DAB1: variants seen among roughly 807,000 people sequenced by gnomAD.
DAB1 encodes DAB adaptor protein 1, also known as disabled homolog 1.
A neutral mutation model predicts 64.6 loss-of-function variants in DAB1; 15 were observed. The observed-to-expected ratio is 0.23, with a 90% CI of 0.16 to 0.36. The LOEUF is 0.36. Ranked by LOEUF, DAB1 falls within the 10% of genes least tolerant of loss-of-function variation. The probability of loss-of-function intolerance (pLI) is 1.00; values close to 1 mark genes in which losing one functional copy is unlikely to be tolerated. For synonymous variants in DAB1, 235 were observed against 251.9 expected, an observed-to-expected ratio of 0.93 and a Z score of 0.64; for missense variants, 596 against 706.7, an observed-to-expected ratio of 0.84 and a Z score of 1.78.
intron 5 of DAB1, among the ~76,000 whole-genome samples, chr1:57,979,793 G>C (rs556632163): frequency 1.3e-5 from 2 of 152,176 alleles, no homozygotes; most frequent in East Asian, 3.9e-4. Flanking sequence ...CCTGCAGGTT[G>C]GTTATGTGTC....
intron 7 of DAB1, among the ~76,000 whole-genome samples, chr1:57,568,733 A>G (rs1402209689): frequency 6.6e-6 from 1 of 152,184 alleles, no homozygotes; most frequent in Non-Finnish European, 1.5e-5. Flanking sequence ...ATGAGATACC[A>G]TCTCACACCA....
intron 5 of DAB1, among the ~76,000 whole-genome samples, chr1:58,054,465 G>A (rs1245243396): frequency 2.0e-5 from 3 of 152,142 alleles, no homozygotes; most frequent in Non-Finnish European, 4.4e-5. Context: ...TTAAAAGCAT[G>A]GACCACTAAA....
intron 5 of DAB1, among the ~76,000 whole-genome samples, chr1:57,898,707 C>A (rs768120814): frequency 6.6e-6 from 1 of 152,102 alleles, no homozygotes; most frequent in South Asian, 2.1e-4. Context: ...TGTCTCTGCC[C>A]CCACTTGGTT....
intron 3 of DAB1, among the ~76,000 whole-genome samples, chr1:58,496,936 A>G (rs551746954): frequency 6.6e-6 from 1 of 152,294 alleles, no homozygotes; most frequent in South Asian, 2.1e-4. Context: ...GCTGGCCACA[A>G]GGAAGAAAAC....
chr1:58,377,341 C>T lies in DAB1; in HGVS notation n.258-33938G>A, dbSNP rs1374360871. ...ACCGGTTGTTCCTTTCCATGTTTAG[C>T]GCTTCCTTCAGGAGCTCTTTTAGGG... On this transcript the variant is annotated intron_variant and non_coding_transcript_variant, in intron 3 of 20. Transcript: ENST00000485760. Among the ~76,000 whole-genome samples the T allele has an allele frequency of 6.9e-4, 96 of 138,998 alleles. 3 individuals are homozygous for T. In the South Asian group the frequency reaches 0.017, roughly 25 times the overall value. 91.2% of individuals were successfully genotyped at this position (138,998 alleles called of 152,430 possible).
chr1:57,147,341 A>G (rs1163564481), intron 2 of DAB1, among the ~76,000 whole-genome samples: 1 of 149,032 alleles, frequency 6.7e-6, no homozygotes, highest in African/African-American at 2.4e-5. Flanking sequence ...AAGCAAGTAG[A>G]AGACACAATC....
chr1:57,276,572 A>G (rs1393655391), intron 2 of DAB1, among the ~76,000 whole-genome samples: 1 of 152,232 alleles, frequency 6.6e-6, no homozygotes, highest in Non-Finnish European at 1.5e-5. Context: ...AGAGGCAGGA[A>G]CAAGTTATTG....
chr1:58,518,343 GA>G (rs1646204405), intron 2 of DAB1, among the ~76,000 whole-genome samples: 1 of 129,980 alleles, frequency 7.7e-6, no homozygotes, highest in African/African-American at 3.2e-5. Flanking sequence ...GAGAAGAGAA[GA>G]GAAGAGAAGG....
At chr1:57,079,547 T>A (rs1652293016) in intron 4 of DAB1, among the ~76,000 whole-genome samples, 1 of 152,148 alleles carries the variant, frequency 6.6e-6, no homozygotes, top group African/African-American at 2.4e-5. Flanking sequence ...TGATACATCT[T>A]TCTAGTACTT....
intron 7 of DAB1, among the ~76,000 whole-genome samples, chr1:57,578,178 G>A (rs1169983453): frequency 6.6e-6 from 1 of 152,166 alleles, no homozygotes; most frequent in African/African-American, 2.4e-5. Context: ...TTCTTCCATG[G>A]CCATAGCAGG....
intron 7 of DAB1, among the ~76,000 whole-genome samples, chr1:57,431,143 C>CACAAAAAAAAAAAAAAAAAAAAAAAAAAA (rs749097562): frequency 1.0e-5 from 1 of 96,406 alleles, no homozygotes; most frequent in African/African-American, 3.7e-5. Context: ...AGGCCAAAAA[C>CACAAAAAAAAAAAAAAAAAAAAAAAAAAA]AAAAAAAAAA....
At chr1:57,851,491 C>T (rs1569847903) in intron 1 of DAB1, among the ~76,000 whole-genome samples, 2 of 152,182 alleles carry the variant, frequency 1.3e-5, no homozygotes, top group South Asian at 4.1e-4. Context: ...GGAGAGAAGA[C>T]CTCAGGCTAT....
At chr1:57,382,634 G>A (rs546959401) in intron 1 of DAB1, among the ~76,000 whole-genome samples, 1 of 152,066 alleles carries the variant, frequency 6.6e-6, no homozygotes, top group East Asian at 1.9e-4. Context: ...TTGACTTGTG[G>A]CCCTTTTCTC....
At chr1:57,044,724 G>A (rs1167700177) in intron 9 of DAB1, among the ~76,000 whole-genome samples, 3 of 152,130 alleles carry the variant, frequency 2.0e-5, no homozygotes, top group East Asian at 1.9e-4. Context: ...GTAAGGTCAC[G>A]GGTGGTTGGG....
In DAB1 at chr1:57,045,479, C is replaced by T. The variant is rs1570583067; in HGVS notation, c.723+17405G>A. ...TTGGGAGGCCAAGGCAGGCGGATCACTTGAGGTCAGCAGTTTGAGACCAGC... is the reference window on the plus strand; with the variant it reads ...TTGGGAGGCCAAGGCAGGCGGATCATTTGAGGTCAGCAGTTTGAGACCAGC... On this transcript the variant is annotated intron_variant, in intron 9 of 14. Coordinates refer to ENST00000371236, the MANE Select transcript of DAB1 (RefSeq NM_001365792.1). Among the ~76,000 whole-genome samples, 5 of 152,154 alleles carry T rather than the reference C, an allele frequency of 3.3e-5. No individual in the cohort carries two copies. In the South Asian group the frequency reaches 1.0e-3, roughly 32 times the overall value.
At chr1:57,912,394 C>T (rs1644659419) in intron 5 of DAB1, among the ~76,000 whole-genome samples, 1 of 152,040 alleles carries the variant, frequency 6.6e-6, no homozygotes, top group Non-Finnish European at 1.5e-5. Context: ...TCTGTTGAGC[C>T]CTTCATGCTA....
At chr1:57,523,176 AC>A (rs1297971612) in intron 7 of DAB1, among the ~76,000 whole-genome samples, 1 of 151,714 alleles carries the variant, frequency 6.6e-6, no homozygotes, top group African/African-American at 2.4e-5. Context: ...TGACGAATAC[AC>A]CCCCCTTCCC....
intron 1 of DAB1, among the ~76,000 whole-genome samples, chr1:57,304,679 A>T (rs547370329): frequency 6.6e-6 from 1 of 152,158 alleles, no homozygotes; most frequent in Non-Finnish European, 1.5e-5. Flanking sequence ...TGTTCATTAC[A>T]TATTGTTTGC....
At position 58,247,922 on chromosome 1, in the gene DAB1, G is replaced by A. The variant is rs577719194; in HGVS notation, n.309+95430C>T. 5.3e-5 allele frequency among the ~76,000 whole-genome samples: 8 copies of A among 151,422 alleles called. 1 individual carries two copies. In the South Asian group the frequency reaches 1.7e-3, roughly 32 times the overall value. ...CTGCCCCCTACCCACTCCTTCCTTT[G>A]CCTCTTCCCCTCTCTTCTTTCCTCT... On this transcript the variant is annotated intron_variant and non_coding_transcript_variant, in intron 4 of 20. Transcript: ENST00000485760.
Sources: gnomAD v4.1 joint callset for allele counts (sites outside exome capture counted in the v4.1 genomes callset) on GRCh38, gnomAD v4.1.1 for gene constraint, MANE v1.5 for transcripts, NCBI Gene and HGNC (gene_info 2026-07-23, HGNC 2026-07-21) for gene names.